The following CRISPLD2 variants were observed in gnomAD, a reference collection of about 807,000 sequenced individuals.
CRISPLD2 encodes the protein cysteine-rich secretory protein LCCL domain-containing 2.
CRISPLD2 carries 47 observed loss-of-function variants against 71.1 expected under a neutral mutation model. That is an observed-to-expected ratio of 0.66 (90% CI 0.52 to 0.84). The LOEUF is 0.84. Among genes scored for constraint, CRISPLD2 ranks in the 40% least tolerant of loss-of-function variants. CRISPLD2 has a pLI of 0.00. For synonymous variants in CRISPLD2, 317 were observed against 250.1 expected, an observed-to-expected ratio of 1.27 and a Z score of -2.52; for missense variants, 830 against 651.1, an observed-to-expected ratio of 1.27 and a Z score of -2.99.
intron 1 of CRISPLD2, among the ~76,000 whole-genome samples, chr16:84,837,265 G>A (rs1184994403): frequency 6.6e-6 from 1 of 152,180 alleles, no homozygotes; most frequent in East Asian, 1.9e-4. Flanking sequence ...TATAATGGAG[G>A]GGAGGTAGTT....
intron 13 of CRISPLD2, among the ~76,000 whole-genome samples, chr16:84,881,296 C>G (rs549690825): frequency 5.0e-4 from 76 of 152,368 alleles, no homozygotes; most frequent in Middle Eastern, 6.8e-3. Flanking sequence ...GAAGATAATA[C>G]AGACCACCCT....
At chr16:84,875,358 C>T (rs531076133) in intron 11 of CRISPLD2, among the ~76,000 whole-genome samples, 3 of 149,356 alleles carry the variant, frequency 2.0e-5, no homozygotes, top group Admixed American at 1.3e-4. Context: ...CAGGACGACT[C>T]TGAATGTGCC....
intron 14 of CRISPLD2, among the ~76,000 whole-genome samples, chr16:84,897,800 A>G (rs1597486104): frequency 6.6e-6 from 1 of 152,200 alleles, no homozygotes; most frequent in African/African-American, 2.4e-5. Flanking sequence ...TATTTTTAGT[A>G]GAGACGGGGT....
chr16:84,862,116 G>T (rs1277258999), intron 6 of CRISPLD2, among the ~76,000 whole-genome samples: 1 of 152,122 alleles, frequency 6.6e-6, no homozygotes, highest in Non-Finnish European at 1.5e-5. Flanking sequence ...GTGTCTTGCT[G>T]GTGCTCCCCT....
In CRISPLD2 at chr16:84,838,552, A is replaced by T. The variant is rs747623376; in HGVS notation, c.57A>T (p.Gly19=). 2.5e-5 allele frequency: 41 copies of T among 1,614,022 alleles called. No individual in the cohort carries two copies. Among genetic ancestry groups the T allele is most frequent in the Non-Finnish European group, 3.0e-5 (35 of 1,180,036 alleles). The change falls in exon 2 of 15, where the codon GGA becomes GGT. Residue 19 remains glycine (G), a synonymous_variant. Transcript: ENST00000262424. ...IPLGLLFLVC[G]SQGYLLPNVT... ...TGGGGCTGCTGTTCCTGGTCTGCGG[A>T]TCCCAAGGCTACCTCCTGCCCAACG...
intron 6 of CRISPLD2, among the ~76,000 whole-genome samples, chr16:84,856,188 C>T (rs549034019): frequency 1.3e-5 from 2 of 152,326 alleles, no homozygotes; most frequent in Non-Finnish European, 2.9e-5. Flanking sequence ...TGTAGTCCTG[C>T]CTGGATTAGG....
At chr16:84,887,858 A>T (rs942420142) in intron 13 of CRISPLD2, among the ~76,000 whole-genome samples, 11 of 152,334 alleles carry the variant, frequency 7.2e-5, no homozygotes, top group Non-Finnish European at 1.5e-4. Context: ...CCTGAGCAAT[A>T]AGAGCGAAAC....
chr16:84,832,668 CG>C (rs1916517609), intron 1 of CRISPLD2, among the ~76,000 whole-genome samples: 1 of 152,212 alleles, frequency 6.6e-6, no homozygotes, highest in South Asian at 2.1e-4. Flanking sequence ...CGGGGCATGT[CG>C]GGGTCATGGG....
At chr16:84,823,629 C>T (rs568734903) in intron 1 of CRISPLD2, among the ~76,000 whole-genome samples, 1 of 152,258 alleles carries the variant, frequency 6.6e-6, no homozygotes, top group East Asian at 1.9e-4. Flanking sequence ...GCCTTCTACC[C>T]CAGGCTGTAC....
intron 1 of CRISPLD2, among the ~76,000 whole-genome samples, chr16:84,825,613 A>G (rs1008808719): frequency 3.9e-5 from 6 of 151,902 alleles, no homozygotes; most frequent in African/African-American, 1.5e-4. Flanking sequence ...AAAATTAGCT[A>G]GGCGTGGTGG....
In CRISPLD2 at chr16:84,872,469, C is replaced by T; in HGVS notation, c.942C>T (p.Asn314=). The part of the protein sequence containing the change: ...NRYQCPAGCL[N]HKAKIFGTLF... ...ACCAGTGCCCAGCAGGCTGCCTGAA[C>T]CACAAGGCGAAGATCTTTGGAACTC... Residue 314 remains asparagine (N), a synonymous_variant, in exon 9 of 15, where the codon AAC becomes AAT. Coordinates refer to ENST00000262424, the MANE Select transcript of CRISPLD2 (RefSeq NM_031476.4). 6.2e-7 allele frequency: 1 copy of T among 1,613,976 alleles called. No individual in the cohort carries two copies. Among genetic ancestry groups the T allele is most frequent in the Non-Finnish European group, 8.5e-7 (1 of 1,179,916 alleles).
intron 3 of CRISPLD2, among the ~76,000 whole-genome samples, chr16:84,848,359 C>T (rs1916973689): frequency 6.6e-6 from 1 of 152,152 alleles, no homozygotes. Flanking sequence ...ATGGTCATTT[C>T]CCCCGTGAGC....
At chr16:84,886,744 G>T (rs1282354057) in intron 13 of CRISPLD2, among the ~76,000 whole-genome samples, 1 of 152,166 alleles carries the variant, frequency 6.6e-6, no homozygotes, top group East Asian at 1.9e-4. Context: ...GAGCCCGGAA[G>T]GTCAAAGCTC....
intron 6 of CRISPLD2, among the ~76,000 whole-genome samples, chr16:84,866,337 G>A (rs1446632361): frequency 1.3e-5 from 2 of 151,750 alleles, no homozygotes; most frequent in African/African-American, 4.8e-5. Flanking sequence ...GGCTTCAAGC[G>A]ATTCTCCTGC....
At chr16:84,848,788 C>G (rs971557957) in intron 3 of CRISPLD2, among the ~76,000 whole-genome samples, 1 of 152,108 alleles carries the variant, frequency 6.6e-6, no homozygotes, top group Non-Finnish European at 1.5e-5. Flanking sequence ...ACAACAATAT[C>G]TGTGAAATAC....
At chr16:84,855,680 A>G (rs1490783171) in intron 6 of CRISPLD2, among the ~76,000 whole-genome samples, 2 of 152,222 alleles carry the variant, frequency 1.3e-5, no homozygotes, top group Non-Finnish European at 2.9e-5. Context: ...GTTGACACTC[A>G]GTATTAACTA....
chr16:84,865,441 C>A (rs1355118944), intron 6 of CRISPLD2, among the ~76,000 whole-genome samples: 3 of 152,194 alleles, frequency 2.0e-5, no homozygotes, highest in Non-Finnish European at 4.4e-5. Flanking sequence ...CAGGTATGAG[C>A]CACCACACCT....
chr16:84,908,336 G>A lies in CRISPLD2; in HGVS notation c.*1694G>A, dbSNP rs2071822992. 1 of 152,240 alleles carries A rather than the reference G, an allele frequency of 6.6e-6. No homozygotes were observed. The highest frequency in any genetic ancestry group is 1.5e-5 in the Non-Finnish European group (1 of 68,050). The allele number at this position is 152,240 out of a possible 1,614,324, so 9.4% of individuals were successfully genotyped here. On this transcript the variant is annotated 3_prime_UTR_variant, in exon 15 of 15. Transcript: ENST00000262424. The stretch of plus-strand genomic sequence containing the variant: ...AGGTACTGACTCCTCAGCCCCAAAT[G>A]TCGGAGAGGAAGAATTCGGTCAGCC...
intron 10 of CRISPLD2, 71 bp from the exon 11 acceptor site, chr16:84,873,849 C>G: frequency 7.3e-7 from 1 of 1,365,508 alleles, no homozygotes; most frequent in Non-Finnish European, 1.0e-6. Flanking sequence ...TAGGAGCAAG[C>G]GTTCACTTTT....
Sources: gnomAD v4.1 joint callset for allele counts (sites outside exome capture counted in the v4.1 genomes callset) on GRCh38, gnomAD v4.1.1 for gene constraint, MANE v1.5 for transcripts, NCBI Gene and HGNC (gene_info 2026-07-23, HGNC 2026-07-21) for gene names.